Variants in PLCH1 observed in about 807,000 individuals in gnomAD.
PLCH1 encodes the protein phospholipase C eta 1, also known as 1-phosphatidylinositol 4,5-bisphosphate phosphodiesterase eta-1.
Under a neutral mutation model 126.7 loss-of-function variants are expected in PLCH1, and 60 were observed. The ratio of observed to expected loss-of-function variants is 0.47; its 90% CI spans 0.38 to 0.59. The LOEUF is 0.59. Among genes scored for constraint, PLCH1 ranks in the 20% least tolerant of loss-of-function variants. The probability of loss-of-function intolerance (pLI) is 0.00; values close to 1 mark genes in which losing one functional copy is unlikely to be tolerated. For missense variants in PLCH1, 1,723 were observed against 2,040.0 expected, an observed-to-expected ratio of 0.84 and a Z score of 2.99; for synonymous variants, 719 against 734.9, an observed-to-expected ratio of 0.98 and a Z score of 0.35.
chr3:155,531,688 T>A (rs191820288), intron 10 of PLCH1, among the ~76,000 whole-genome samples: 1 of 152,338 alleles, frequency 6.6e-6, no homozygotes, highest in East Asian at 1.9e-4. Flanking sequence ...AGCTAAACCT[T>A]CTAGATCCCT....
chr3:155,711,804 G>C (rs1299099465), intron 1 of PLCH1, among the ~76,000 whole-genome samples: 1 of 152,112 alleles, frequency 6.6e-6, no homozygotes, highest in African/African-American at 2.4e-5. Flanking sequence ...ACAGATTTCT[G>C]TTTGAACTCT....
intron 2 of PLCH1, among the ~76,000 whole-genome samples, chr3:155,611,999 T>C (rs1299378946): frequency 6.6e-6 from 1 of 152,058 alleles, no homozygotes; most frequent in Non-Finnish European, 1.5e-5. Flanking sequence ...TCAAAACTGC[T>C]GAGATACAGT....
At chr3:155,690,398 G>A (rs1047462062) in intron 2 of PLCH1, among the ~76,000 whole-genome samples, 1 of 152,198 alleles carries the variant, frequency 6.6e-6, no homozygotes, top group African/African-American at 2.4e-5. Context: ...CTAGCATAAT[G>A]TTTGCAAAAA....
At chr3:155,512,741 G>A (rs1719763794) in intron 12 of PLCH1, among the ~76,000 whole-genome samples, 1 of 152,162 alleles carries the variant, frequency 6.6e-6, no homozygotes, top group South Asian at 2.1e-4. Context: ...GGATCTTATG[G>A]GCTATTATCT....
At chr3:155,475,593 A>C (rs1167179813), downstream of PLCH1, among the ~76,000 whole-genome samples, 1 of 152,112 alleles carries the variant, frequency 6.6e-6, no homozygotes, top group Non-Finnish European at 1.5e-5. Context: ...AAAAGAGAGA[A>C]GATCCAAATA....
chr3:155,741,701 T>TTTTG, intron 1 of PLCH1, among the ~76,000 whole-genome samples: 1 of 148,294 alleles, frequency 6.7e-6, no homozygotes, highest in East Asian at 1.9e-4. Context: ...TTTTTTTTTT[T>TTTTG]TTTGTTCAGG....
At chr3:155,491,081 C>T (rs375598324) in intron 18 of PLCH1, among the ~76,000 whole-genome samples, 4 of 152,114 alleles carry the variant, frequency 2.6e-5, no homozygotes, top group East Asian at 1.9e-4. Flanking sequence ...TATTTATTAA[C>T]GCCAACAACT....
At chr3:155,498,239 A>G (rs1717364670) in intron 14 of PLCH1, among the ~76,000 whole-genome samples, 1 of 152,234 alleles carries the variant, frequency 6.6e-6, no homozygotes, top group Admixed American at 6.5e-5. Context: ...GTGCGGGAGT[A>G]GTAATGCTGG....
intron 2 of PLCH1, among the ~76,000 whole-genome samples, chr3:155,629,609 G>C (rs1196858442): frequency 6.6e-6 from 1 of 152,018 alleles, no homozygotes; most frequent in Admixed American, 6.6e-5. Flanking sequence ...CTCTCCATTT[G>C]CAATAACCCA....
intron 1 of PLCH1, among the ~76,000 whole-genome samples, chr3:155,708,463 G>T (rs1358806664): frequency 6.6e-6 from 1 of 152,210 alleles, no homozygotes; most frequent in African/African-American, 2.4e-5. Flanking sequence ...GAAAGGATGT[G>T]TGGCTTGCAA....
chr3:155,664,576 G>A (rs1299876184), intron 2 of PLCH1, among the ~76,000 whole-genome samples: 1 of 152,190 alleles, frequency 6.6e-6, no homozygotes, highest in Non-Finnish European at 1.5e-5. Context: ...CTATGTTTGG[G>A]TTGTAGTCTG....
chr3:155,556,299 G>A (rs1726812333), intron 8 of PLCH1, among the ~76,000 whole-genome samples: 1 of 152,164 alleles, frequency 6.6e-6, no homozygotes, highest in African/African-American at 2.4e-5. Context: ...GATGCAGTGA[G>A]TCGAGCTCGT....
At chr3:155,517,166 G>A (rs1256350462) in intron 11 of PLCH1, among the ~76,000 whole-genome samples, 1 of 152,000 alleles carries the variant, frequency 6.6e-6, no homozygotes, top group Non-Finnish European at 1.5e-5. Context: ...AATTAGCTGG[G>A]CATGGTGGCA....
At chr3:155,575,713 C>G (rs1729852423) in intron 6 of PLCH1, among the ~76,000 whole-genome samples, 1 of 152,058 alleles carries the variant, frequency 6.6e-6, no homozygotes, top group Non-Finnish European at 1.5e-5. Flanking sequence ...CTCTGTGGCC[C>G]AGGCACAATC....
chr3:155,513,444 A>G (rs979654808), intron 12 of PLCH1, among the ~76,000 whole-genome samples: 2 of 152,284 alleles, frequency 1.3e-5, no homozygotes, highest in African/African-American at 4.8e-5. Context: ...TTGCATTTCC[A>G]ATGAGAATAA....
chr3:155,567,709 T>C (rs867649735), intron 7 of PLCH1, among the ~76,000 whole-genome samples: 2 of 152,210 alleles, frequency 1.3e-5, no homozygotes, highest in South Asian at 4.1e-4. Flanking sequence ...TCTGGGTATA[T>C]AACTGTGGGC....
chr3:155,464,215 G>A (rs907608751), intron 21 of PLCH1, among the ~76,000 whole-genome samples: 1 of 152,192 alleles, frequency 6.6e-6, no homozygotes, highest in African/African-American at 2.4e-5. Context: ...GCATCTTGAA[G>A]AATGCATTGG....
At chr3:155,614,735 A>G (rs1473955543) in intron 2 of PLCH1, among the ~76,000 whole-genome samples, 1 of 152,224 alleles carries the variant, frequency 6.6e-6, no homozygotes, top group Non-Finnish European at 1.5e-5. Context: ...AGCCACATGT[A>G]GAAGAATGAA....
Position 155,480,821 on chromosome 3 carries a change from G to A in PLCH1, c.*147C>T. 1.5e-6 allele frequency: 1 copy of A among 669,496 alleles called. No homozygotes were observed. The highest frequency in any genetic ancestry group is 2.6e-6 in the Non-Finnish European group (1 of 390,202). 41.5% of individuals were successfully genotyped at this position (669,496 alleles called of 1,614,324 possible). On this transcript the variant is annotated 3_prime_UTR_variant, in exon 23 of 23. Transcript: ENST00000460012. ...AAATCTATATACAAACGCATTAACA[G>A]GGAGAACACATGAAGTCAAAGGGAG...
Sources: allele counts gnomAD v4.1 joint callset (sites outside exome capture counted in the v4.1 genomes callset), GRCh38; gene constraint gnomAD v4.1.1; transcripts MANE v1.5; gene names NCBI Gene and HGNC (gene_info 2026-07-23, HGNC 2026-07-21).